The following COL4A1 variants were observed in gnomAD, a reference collection of about 807,000 sequenced individuals.
The protein encoded by COL4A1 is collagen alpha-1(IV) chain.
Under a neutral mutation model 216.6 loss-of-function variants are expected in COL4A1, and 40 were observed. That is an observed-to-expected ratio of 0.18 (90% CI 0.14 to 0.24). The LOEUF (loss-of-function observed/expected upper bound fraction) is 0.24. COL4A1 is among the 10% of genes least tolerant of loss of function. COL4A1 has a pLI of 1.00. For missense variants in COL4A1, 1,628 were observed against 2,196.8 expected, an observed-to-expected ratio of 0.74 and a Z score of 5.18; for synonymous variants, 839 against 810.7, an observed-to-expected ratio of 1.03 and a Z score of -0.59.
intron 1 of COL4A1, among the ~76,000 whole-genome samples, chr13:110,273,745 T>A (rs893025954): frequency 6.6e-6 from 1 of 152,240 alleles, no homozygotes; most frequent in African/African-American, 2.4e-5. Flanking sequence ...TCATTCAGAC[T>A]GACCCCAGTG....
chr13:110,216,065 A>G (rs1173293281), intron 2 of COL4A1, among the ~76,000 whole-genome samples: 1 of 152,234 alleles, frequency 6.6e-6, no homozygotes, highest in Non-Finnish European at 1.5e-5. Context: ...TGGATTAAAG[A>G]ACCTCAAGCC....
chr13:110,178,790 C>G, intron 31 of COL4A1, 133 bp downstream of exon 31: 1 of 715,512 alleles, frequency 1.4e-6, no homozygotes, highest in East Asian at 2.7e-5. Context: ...TTCACAAACT[C>G]GAGTTTTATT....
At position 110,207,289 on chromosome 13, in the gene COL4A1, C is replaced by T; in HGVS notation, c.780+114G>A. The T allele has an allele frequency of 1.1e-6, 1 of 921,954 alleles. No individual in the cohort carries two copies. The highest frequency in any genetic ancestry group is 1.8e-6 in the Non-Finnish European group (1 of 560,354). 57.1% of individuals were successfully genotyped at this position (921,954 alleles called of 1,614,324 possible). A position where few individuals can be genotyped will look rare whatever the true frequency, so the allele number is the denominator to read the frequency against. On this transcript the variant is annotated intron_variant, in intron 13 of 51. Coordinates refer to ENST00000375820, the MANE Select transcript of COL4A1 (RefSeq NM_001845.6). This position sits in a 1 kb window ranked among gnomAD's most constrained non-coding sequence, Gnocchi z 4.4. ...CTGAACAGTCTATAAATCTGTTTTC[C>T]AGACCAGGATTGAATGTAGCTGGAA...
chr13:110,272,097 A>G (rs1346471286), intron 1 of COL4A1, among the ~76,000 whole-genome samples: 2 of 152,214 alleles, frequency 1.3e-5, no homozygotes. Flanking sequence ...TTCTGGTCAT[A>G]GCCTCTTTAA....
At position 110,206,735 on chromosome 13, in the gene COL4A1, A is replaced by C. The variant is rs1192553923; in HGVS notation, c.808-20T>G. On this transcript the variant is annotated intron_variant, in intron 14 of 51. Coordinates refer to ENST00000375820, the MANE Select transcript of COL4A1 (RefSeq NM_001845.6). ...CATCCCCTTAAAGGAATAAAAAGAC[A>C]AAGAGATTTATTCGTCTATTTAAGC... 1 of 1,613,586 alleles carries C rather than the reference A, an allele frequency of 6.2e-7. No individual in the cohort carries two copies. The highest frequency in any genetic ancestry group is 1.7e-5 in the Admixed American group (1 of 60,006).
chr13:110,203,618 A>T lies in COL4A1; in HGVS notation c.958-11T>A. ...TTCACCCTTTTCTCCCTACAAAAGAAAAAATAACTTTCCTTGCATATTCTT... is the reference window on the plus strand; with the variant it reads ...TTCACCCTTTTCTCCCTACAAAAGATAAAATAACTTTCCTTGCATATTCTT... On this transcript the variant is annotated splice_polypyrimidine_tract_variant and intron_variant, in intron 17 of 51. Transcript: ENST00000375820. 6.2e-7 allele frequency: 1 copy of T among 1,614,156 alleles called. No individual in the cohort carries two copies. Among genetic ancestry groups the T allele is most frequent in the East Asian group, 2.2e-5 (1 of 44,884 alleles).
At chr13:110,276,447 G>A (rs34987036) in intron 1 of COL4A1, among the ~76,000 whole-genome samples, 8,480 of 152,126 alleles carry the variant, frequency 0.056, 340 homozygotes, top group Middle Eastern at 0.11. Context: ...ACTGATTCTC[G>A]TTGTACCGCC....
chr13:110,181,922 T>C (rs1878175213), intron 28 of COL4A1, among the ~76,000 whole-genome samples: 1 of 152,204 alleles, frequency 6.6e-6, no homozygotes, highest in Non-Finnish European at 1.5e-5. Flanking sequence ...TCAGACCCTT[T>C]GTATGCAACA....
At position 110,162,101 on chromosome 13, in the gene COL4A1, C is replaced by A. The variant is rs937884976; in HGVS notation, c.4462+129G>T. ...GCCGGGCTGCTTTTTCACTGGCTACCGCCCTCATGGCGCAGTGTTTCACTC... is the reference window on the plus strand; with the variant it reads ...GCCGGGCTGCTTTTTCACTGGCTACAGCCCTCATGGCGCAGTGTTTCACTC... On this transcript the variant is annotated intron_variant, in intron 48 of 51. Transcript: ENST00000375820. The A allele has an allele frequency of 1.6e-5, 14 of 899,530 alleles. 1 individual carries two copies. In the South Asian group the frequency reaches 1.7e-4, roughly 11 times the overall value. The allele number at this position is 899,530 out of a possible 1,614,324, so 55.7% of individuals were successfully genotyped here. A position where few individuals can be genotyped will look rare whatever the true frequency, so the allele number is the denominator to read the frequency against.
rs1377878556 is a variant in COL4A1 at position 110,169,512 on chromosome 13, AC to A, written c.3876+116del. 3.9e-6 allele frequency: 6 copies of A among 1,524,816 alleles called. No individual in the cohort carries two copies. The African/African-American group carries it at 8.3e-5, about 21-fold the overall frequency. 94.5% of individuals were successfully genotyped at this position (1,524,816 alleles called of 1,614,324 possible). A position where few individuals can be genotyped will look rare whatever the true frequency, so the allele number is the denominator to read the frequency against. ...GTGGGAGTGTAACACACACACACAC[AC>A]ACACACACACACATATATATACATA... On this transcript the variant is annotated intron_variant, in intron 43 of 51. Transcript: ENST00000375820.
intron 21 of COL4A1, among the ~76,000 whole-genome samples, chr13:110,196,151 G>A (rs12874407): frequency 0.26 from 40,099 of 152,134 alleles, 5,497 homozygotes; most frequent in Admixed American, 0.32. Flanking sequence ...TAGGAACTAT[G>A]GGGGAGGTGC....
rs1883109720 is a variant in COL4A1, at chr13:110,268,087, A to G, written c.85-25353T>C. On this transcript the variant is annotated intron_variant, in intron 1 of 51. Coordinates refer to ENST00000375820, the MANE Select transcript of COL4A1 (RefSeq NM_001845.6). This position sits in a 1 kb window ranked among gnomAD's most constrained non-coding sequence, Gnocchi z 4.1. ...AAAGCTCATGACATTTGACTCCAGG[A>G]GGAAAGTTTGACAGACTGCTGTTAA... Among the ~76,000 whole-genome samples, 1 of 152,212 alleles carries G rather than the reference A, an allele frequency of 6.6e-6. No homozygotes were observed. The highest frequency in any genetic ancestry group is 2.4e-5 in the African/African-American group (1 of 41,456).
intron 47 of COL4A1, among the ~76,000 whole-genome samples, 199 bp from the exon 48 acceptor site, chr13:110,162,641 T>C (rs763726686): frequency 6.6e-6 from 1 of 152,064 alleles, no homozygotes; most frequent in Non-Finnish European, 1.5e-5. Flanking sequence ...TGTCTTAACT[T>C]TTTCTTTTTA....
At chr13:110,306,428 CA>C (rs977458283) in intron 1 of COL4A1, among the ~76,000 whole-genome samples, 4 of 152,192 alleles carry the variant, frequency 2.6e-5, no homozygotes, top group Non-Finnish European at 4.4e-5. Context: ...TGTTTCCAGG[CA>C]AAGGGCCCAG....
At chr13:110,275,803 A>G (rs1883405812) in intron 1 of COL4A1, among the ~76,000 whole-genome samples, 1 of 152,214 alleles carries the variant, frequency 6.6e-6, no homozygotes, top group Non-Finnish European at 1.5e-5. Flanking sequence ...TGAAAAGTCT[A>G]CATACCATAC....
In COL4A1 at chr13:110,217,864, T is replaced by A. The variant is rs186064717; in HGVS notation, c.145-3849A>T. ...TAGGCATGAAATAGGGTTTCATGCA[T>A]GGAGCAACTTAAAATTCTTGCTTAA... On this transcript the variant is annotated intron_variant, in intron 2 of 51. Transcript: ENST00000375820. 6.6e-5 allele frequency among the ~76,000 whole-genome samples: 10 copies of A among 152,336 alleles called. No individual in the cohort carries two copies. The East Asian group carries it at 1.7e-3, about 26-fold the overall frequency.
intron 1 of COL4A1, among the ~76,000 whole-genome samples, chr13:110,255,890 A>AAGG: frequency 1.2e-5 from 1 of 80,136 alleles, no homozygotes; most frequent in Non-Finnish European, 2.5e-5. Context: ...AGGGAGGGGG[A>AAGG]AGGCAGGAAG....
Position 110,186,445 on chromosome 13 carries a change from G to C in COL4A1, c.1837C>G (p.Pro613Ala), listed in dbSNP as rs1432737813. The C allele has an allele frequency of 1.9e-6, 3 of 1,613,726 alleles. No individual in the cohort carries two copies. The East Asian group carries it at 6.7e-5, about 36-fold the overall frequency. The change falls in exon 26 of 52, where the codon CCC becomes GCC. Residue 613 changes from proline (P) to alanine (A), a missense_variant. By Grantham distance (27) the Pro-to-Ala change is conservative. Around this residue, in one of 8 missense-constraint regions of COL4A1, gnomAD observed 701 missense variants for 892.5 expected, o/e 0.79. Coordinates refer to ENST00000375820, the MANE Select transcript of COL4A1 (RefSeq NM_001845.6). ...PGPPGYGPAG[P>A]IGDKGQAGFP... ...CCTGCTTGTCCTTTGTCACCAATGG[G>C]ACCAGCAGGACCATATCCTGGAGGC...
intron 2 of COL4A1, among the ~76,000 whole-genome samples, chr13:110,217,037 T>A (rs1880120195): frequency 6.6e-6 from 1 of 152,238 alleles, no homozygotes; most frequent in Admixed American, 6.5e-5. Context: ...GACTCCTCCA[T>A]GGACATGGTT....
Sources: allele counts gnomAD v4.1 joint callset (sites outside exome capture counted in the v4.1 genomes callset), GRCh38; gene constraint gnomAD v4.1.1; regional missense constraint gnomAD v4.1.1; non-coding constraint Gnocchi (gnomAD v3.1); transcripts MANE v1.5; gene names NCBI Gene and HGNC (gene_info 2026-07-23, HGNC 2026-07-21).